The following BTBD9 variants were observed in gnomAD, a reference collection of about 807,000 sequenced individuals.
BTBD9 encodes BTB/POZ domain-containing protein 9.
A neutral mutation model predicts 64.3 loss-of-function variants in BTBD9; 49 were observed. The observed-to-expected ratio is 0.76, with a 90% confidence interval of 0.61 to 0.97. The LOEUF (loss-of-function observed/expected upper bound fraction) is 0.97. BTBD9 is among the 50% of genes least tolerant of loss of function. The pLI, the probability that BTBD9 is intolerant of heterozygous loss-of-function variation, is 0.00. For synonymous variants in BTBD9, 260 were observed against 274.7 expected (o/e 0.95, Z 0.53); for missense variants, 598 against 762.1 (o/e 0.78, Z 2.53).
chr6:38,428,553 C>G (rs1768286171), intron 6 of BTBD9, among the ~76,000 whole-genome samples: 1 of 151,538 alleles, frequency 6.6e-6, no homozygotes, highest in Non-Finnish European at 1.5e-5. Context: ...ACACAGGGTC[C>G]ATGACTTGTT....
intron 7 of BTBD9, among the ~76,000 whole-genome samples, chr6:38,302,825 T>A (rs2127565002): frequency 6.6e-6 from 1 of 152,208 alleles, no homozygotes; most frequent in East Asian, 1.9e-4. Flanking sequence ...TTTATCTTTT[T>A]GATACCATCC....
chr6:38,475,179 C>T (rs6914430), intron 6 of BTBD9, among the ~76,000 whole-genome samples: 9,447 of 152,026 alleles, frequency 0.062, 559 homozygotes, highest in African/African-American at 0.14. Flanking sequence ...ATACACATGG[C>T]CAAAAAGAAG....
intron 9 of BTBD9, among the ~76,000 whole-genome samples, chr6:38,217,414 A>G (rs993500673): frequency 6.6e-6 from 1 of 151,856 alleles, no homozygotes; most frequent in Non-Finnish European, 1.5e-5. Flanking sequence ...TGGAAAAATC[A>G]AGGGAGGCTT....
At chr6:38,325,224 A>T (rs1763376032) in intron 7 of BTBD9, among the ~76,000 whole-genome samples, 1 of 152,166 alleles carries the variant, frequency 6.6e-6, no homozygotes, top group Non-Finnish European at 1.5e-5. Context: ...CAAGAATAGG[A>T]GTATATTAAG....
At chr6:38,457,371 T>A (rs1316531479) in intron 6 of BTBD9, among the ~76,000 whole-genome samples, 6 of 152,148 alleles carry the variant, frequency 3.9e-5, no homozygotes, top group Admixed American at 3.9e-4. Flanking sequence ...AGAAATGGTG[T>A]TGGTGTCAAC....
rs1766937756 is a variant in BTBD9 at position 38,175,031 on chromosome 6, G to A, written c.1793C>T (p.Ser598Phe). Residue 598 changes from serine (S) to phenylalanine (F), a missense_variant, in exon 11 of 11, where the codon TCC becomes TTC. Physicochemically the swap from Ser to Phe is radical, Grantham distance 155. Transcript: ENST00000481247. ...GGAGCGTGAGTTGGAGCCTGGGCTG[G>A]AGGGTAGTGAGCTGCCACTAGGCGC... is the stretch of plus-strand genomic sequence containing the variant. ...LRAPSGSSLP[S>F]SPGSNSRSPN... 3 of 1,614,150 alleles carry A rather than the reference G, an allele frequency of 1.9e-6. No individual in the cohort carries two copies. The highest frequency in any genetic ancestry group is 1.6e-4 in the Middle Eastern group (1 of 6,062).
chr6:38,593,170 G>A (rs970642568), intron 3 of BTBD9, among the ~76,000 whole-genome samples: 2 of 152,212 alleles, frequency 1.3e-5, no homozygotes, highest in Non-Finnish European at 2.9e-5. Context: ...CTTCAAGAGA[G>A]TGTACATTGT....
At chr6:38,235,691 A>G (rs1208497550) in intron 9 of BTBD9, among the ~76,000 whole-genome samples, 2 of 152,196 alleles carry the variant, frequency 1.3e-5, no homozygotes, top group Non-Finnish European at 2.9e-5. Flanking sequence ...GAATGACACA[A>G]TAACACAGTA....
At chr6:38,250,472 T>A (rs755695439) in intron 9 of BTBD9, among the ~76,000 whole-genome samples, 8 of 152,252 alleles carry the variant, frequency 5.3e-5, no homozygotes, top group Non-Finnish European at 7.3e-5. Context: ...ACAAGTTTAC[T>A]GACATATTTC....
intron 6 of BTBD9, among the ~76,000 whole-genome samples, chr6:38,396,656 G>T (rs1483239914): frequency 6.6e-6 from 1 of 152,144 alleles, no homozygotes; most frequent in Non-Finnish European, 1.5e-5. Context: ...ACATCCTACA[G>T]CTGTTAATGC....
chr6:38,329,973 G>A (rs567393540), intron 7 of BTBD9, among the ~76,000 whole-genome samples: 21 of 152,150 alleles, frequency 1.4e-4, no homozygotes, highest in African/African-American at 4.8e-4. Context: ...AAGATACTTA[G>A]TATTACTGAG....
intron 8 of BTBD9, among the ~76,000 whole-genome samples, chr6:38,277,424 C>A (rs747361458): frequency 6.6e-5 from 10 of 151,912 alleles, no homozygotes; most frequent in Admixed American, 1.3e-4. Flanking sequence ...ACCTCTGCCT[C>A]CTGTGCTCAA....
At chr6:38,275,079 G>A (rs1226215477) in intron 8 of BTBD9, among the ~76,000 whole-genome samples, 1 of 152,172 alleles carries the variant, frequency 6.6e-6, no homozygotes, top group African/African-American at 2.4e-5. Flanking sequence ...GAGGCATCAC[G>A]CTACCTGACT....
intron 6 of BTBD9, among the ~76,000 whole-genome samples, chr6:38,385,561 T>C (rs1766121573): frequency 6.6e-6 from 1 of 152,060 alleles, no homozygotes. Context: ...ATTGCAAGAG[T>C]AAAATGTTAC....
chr6:38,625,752 C>A lies in BTBD9; in HGVS notation c.-28+14048G>T, dbSNP rs938420863. Among the ~76,000 whole-genome samples, 6 of 152,280 alleles carry A rather than the reference C, an allele frequency of 3.9e-5. No individual in the cohort carries two copies. In the East Asian group the frequency reaches 9.6e-4, roughly 24 times the overall value. On this transcript the variant is annotated intron_variant, in intron 1 of 10. Coordinates refer to ENST00000481247, the MANE Select transcript of BTBD9 (RefSeq NM_001099272.2). The stretch of plus-strand genomic sequence containing the variant: ...TGTTCAAAGTCACAACATTCAAAGG[C>A]AGAACCTGAGATAGAATAAGGAGAG...
chr6:38,537,900 A>G (rs1200180885), intron 6 of BTBD9, among the ~76,000 whole-genome samples: 3 of 152,178 alleles, frequency 2.0e-5, no homozygotes, highest in Non-Finnish European at 4.4e-5. Context: ...TGCTATCACC[A>G]AGTCCACCAA....
chr6:38,363,915 C>T (rs1393078344), intron 6 of BTBD9, among the ~76,000 whole-genome samples: 1 of 152,168 alleles, frequency 6.6e-6, no homozygotes, highest in East Asian at 1.9e-4. Context: ...GCCTATTAGA[C>T]AGCAATTTAA....
At chr6:38,564,050 G>A (rs1221125680) in intron 6 of BTBD9, among the ~76,000 whole-genome samples, 2 of 152,062 alleles carry the variant, frequency 1.3e-5, no homozygotes, top group Non-Finnish European at 2.9e-5. Flanking sequence ...CCAAAGTGCT[G>A]GGATTACAGG....
chr6:38,378,358 C>T (rs1260870979), intron 6 of BTBD9, among the ~76,000 whole-genome samples: 1 of 151,586 alleles, frequency 6.6e-6, no homozygotes, highest in African/African-American at 2.4e-5. Flanking sequence ...ACTCTCCTGC[C>T]TCAGCCTCCT....
Sources: gnomAD v4.1 joint callset for allele counts (sites outside exome capture counted in the v4.1 genomes callset) on GRCh38, gnomAD v4.1.1 for gene constraint, MANE v1.5 for transcripts, NCBI Gene and HGNC (gene_info 2026-07-23, HGNC 2026-07-21) for gene names.